RIT1: variants seen among roughly 807,000 people sequenced by gnomAD.
RIT1 encodes Ras like without CAAX 1.
RIT1 carries 6 observed loss-of-function variants against 25.6 expected under a neutral mutation model. The observed-to-expected ratio is 0.23, with a 90% CI of 0.13 to 0.46. The LOEUF is 0.46. Ranked by LOEUF, RIT1 falls within the 20% of genes least tolerant of loss-of-function variation. The pLI, the probability that RIT1 is intolerant of heterozygous loss-of-function variation, is 0.99. For synonymous variants in RIT1, 81 were observed against 94.1 expected, an observed-to-expected ratio of 0.86 and a Z score of 0.80; for missense variants, 219 against 284.4, an observed-to-expected ratio of 0.77 and a Z score of 1.65.
In RIT1 at chr1:155,900,287, T is replaced by C; in HGVS notation, c.*101A>G. On this transcript the variant is annotated 3_prime_UTR_variant, in exon 6 of 6. Transcript: ENST00000368323. ...ACTCCTAGTAGGCATGTCCCTCTTA[T>C]CAGTTAAGTGAAAGAGCAAGCACCA... 2.6e-6 allele frequency: 2 copies of C among 782,964 alleles called. No homozygotes were observed. Among genetic ancestry groups the C allele is most frequent in the South Asian group, 3.3e-5 (2 of 60,336 alleles). The allele number at this position is 782,964 out of a possible 1,614,324, so 48.5% of individuals were successfully genotyped here.
At position 155,910,776 on chromosome 1, in the gene RIT1, C is replaced by G. The variant is rs1439934026; in HGVS notation, c.-15G>C. ...CCAGAATCCATTGTCCTCTTGGGGC[C>G]TTCCTCGGTTGCCCCGAGGAAAAGC... On this transcript the variant is annotated 5_prime_UTR_variant, in exon 2 of 6. Coordinates refer to ENST00000368323, the MANE Select transcript of RIT1 (RefSeq NM_006912.6). The G allele has an allele frequency of 1.1e-5, 18 of 1,614,098 alleles. No homozygotes were observed. The highest frequency in any genetic ancestry group is 1.4e-5 in the Non-Finnish European group (16 of 1,180,044).
chr1:155,907,985 G>A (rs1396253827), intron 3 of RIT1, among the ~76,000 whole-genome samples: 1 of 151,790 alleles, frequency 6.6e-6, no homozygotes, highest in Non-Finnish European at 1.5e-5. Flanking sequence ...AGCTACGCTG[G>A]AGCCTGAGGC....
chr1:155,901,313 A>G (rs1027494804), intron 5 of RIT1, among the ~76,000 whole-genome samples: 1 of 152,012 alleles, frequency 6.6e-6, no homozygotes, highest in African/African-American at 2.4e-5. Flanking sequence ...CAAGCTGGGC[A>G]ATATGGTGAG....
In RIT1 at chr1:155,904,856, G is replaced by A. The variant is rs112823580; in HGVS notation, c.164-52C>T. On this transcript the variant is annotated intron_variant, in intron 3 of 5. Coordinates refer to ENST00000368323, the MANE Select transcript of RIT1 (RefSeq NM_006912.6). ...TAAAGTCATAAATGCCGGAAGAAAT[G>A]CCTATTTAAAACTCATCTTACAGAG... The A allele has an allele frequency of 7.8e-5, 97 of 1,241,336 alleles. No individual in the cohort carries two copies. In the African/African-American group the frequency reaches 9.6e-4, roughly 12 times the overall value. The allele number at this position is 1,241,336 out of a possible 1,614,324, so 76.9% of individuals were successfully genotyped here. A position where few individuals can be genotyped will look rare whatever the true frequency, so the allele number is the denominator to read the frequency against.
Position 155,906,599 on chromosome 1 carries a change from A to T in RIT1, c.164-1795T>A, listed in dbSNP as rs1673444080. 2.6e-5 allele frequency among the ~76,000 whole-genome samples: 4 copies of T among 151,882 alleles called. No individual in the cohort carries two copies. The South Asian group carries it at 8.3e-4, about 32-fold the overall frequency. ...AATGTGGTGAAACCCCATCTCTACT[A>T]AAAATACAAAAATTATCTGGATGTG... On this transcript the variant is annotated intron_variant, in intron 3 of 5. Transcript: ENST00000368323.
At position 155,909,114 on chromosome 1, in the gene RIT1, G is replaced by A. The variant is rs901547304; in HGVS notation, c.163+1336C>T. ...TAATAAGGCCCGGCGCAGTGGTCAC[G>A]CCTGTAATCCCAGCACTTTGGGAGT... On this transcript the variant is annotated intron_variant, in intron 3 of 5. Coordinates refer to ENST00000368323, the MANE Select transcript of RIT1 (RefSeq NM_006912.6). 4.6e-5 allele frequency among the ~76,000 whole-genome samples: 7 copies of A among 151,992 alleles called. 1 individual carries two copies. The highest frequency in any genetic ancestry group is 6.8e-3 in the Middle Eastern group (2 of 294).
chr1:155,903,157 A>G (rs1673348635), intron 5 of RIT1, among the ~76,000 whole-genome samples: 1 of 151,992 alleles, frequency 6.6e-6, no homozygotes, highest in African/African-American at 2.4e-5. Flanking sequence ...TTAGCCAGGC[A>G]TGGTGGCGGA....
At chr1:155,910,968 C>CA (rs1673585573) in intron 1 of RIT1, 164 bp from the exon 2 acceptor site, 2 of 1,389,258 alleles carry the variant, frequency 1.4e-6, no homozygotes, top group Admixed American at 2.6e-5. Context: ...AAGAAACCCC[C>CA]CCATCTTCAC....
At chr1:155,900,645 T>A in intron 5 of RIT1, 27 bp from the exon 6 acceptor site, 1 of 1,586,234 alleles carries the variant, frequency 6.3e-7, no homozygotes, top group Non-Finnish European at 8.6e-7. Flanking sequence ...TGAGAAAAGA[T>A]AACAGTGAAA....
intron 5 of RIT1, among the ~76,000 whole-genome samples, chr1:155,902,447 A>T (rs1038749678): frequency 1.3e-5 from 2 of 150,906 alleles, no homozygotes; most frequent in Non-Finnish European, 3.0e-5. Context: ...GAGGCAGGAG[A>T]ATTGCTTGAA....
intron 5 of RIT1, among the ~76,000 whole-genome samples, chr1:155,901,194 T>C (rs980772637): frequency 6.6e-6 from 1 of 152,232 alleles, no homozygotes; most frequent in African/African-American, 2.4e-5. Context: ...TTCCCCATAC[T>C]TTTTATTTTA....
chr1:155,906,303 C>T lies in RIT1; in HGVS notation c.164-1499G>A, dbSNP rs537060228. Among the ~76,000 whole-genome samples the T allele has an allele frequency of 4.6e-5, 7 of 152,222 alleles. No homozygotes were observed. The South Asian group carries it at 1.5e-3, about 32-fold the overall frequency. On this transcript the variant is annotated intron_variant, in intron 3 of 5. Coordinates refer to ENST00000368323, the MANE Select transcript of RIT1 (RefSeq NM_006912.6). ...TGCTGCTTACATCTCAATGTATTTC[C>T]TTTTAACATTTTTTCTTGAATTCCT...
At chr1:155,904,249 C>T in intron 5 of RIT1, 62 bp downstream of exon 5, 1 of 1,292,076 alleles carries the variant, frequency 7.7e-7, no homozygotes, top group South Asian at 1.4e-5. Flanking sequence ...AATCTGTAAG[C>T]CAAGAAACAA....
chr1:155,910,270 A>G, intron 3 of RIT1, 180 bp downstream of exon 3: 1 of 602,314 alleles, frequency 1.7e-6, no homozygotes, highest in East Asian at 2.8e-5. Context: ...GGCTTATGAC[A>G]TAAAGTCTGA....
chr1:155,904,667 G>T, intron 4 of RIT1, 64 bp downstream of exon 4: 1 of 1,302,766 alleles, frequency 7.7e-7, no homozygotes, highest in Non-Finnish European at 1.1e-6. Context: ...TCTCTGTGTA[G>T]GCCTTCCCCT....
In RIT1 at chr1:155,910,702, C is replaced by T; in HGVS notation, c.60G>A (p.Arg20=). ...CACCCAGCATCACTAGTTTGTACTC[C>T]CGTGAGAGCCCAGCGGGGCTGCTAC... The part of the protein sequence containing the change: ...SCCSSPAGLS[R]EYKLVMLGAG... The change falls in exon 2 of 6, where the codon CGG becomes CGA. Residue 20 remains arginine (R), a synonymous_variant. Transcript: ENST00000368323. The T allele has an allele frequency of 6.2e-7, 1 of 1,614,264 alleles. No homozygotes were observed. Among genetic ancestry groups the T allele is most frequent in the Non-Finnish European group, 8.5e-7 (1 of 1,180,046 alleles).
intron 3 of RIT1, among the ~76,000 whole-genome samples, chr1:155,908,049 G>A (rs1673488238): frequency 1.3e-5 from 2 of 150,524 alleles, no homozygotes. Context: ...CCGAGATCAT[G>A]CCACTGCACT....
chr1:155,904,263 T>A (rs1673383960), intron 5 of RIT1, 48 bp downstream of exon 5: 3 of 1,355,868 alleles, frequency 2.2e-6, no homozygotes, highest in Non-Finnish European at 3.1e-6. Flanking sequence ...GAAACAAAAA[T>A]GACTAATTGT....
At chr1:155,906,959 T>C (rs1294086596) in intron 3 of RIT1, among the ~76,000 whole-genome samples, 1 of 151,144 alleles carries the variant, frequency 6.6e-6, no homozygotes, top group African/African-American at 2.4e-5. Flanking sequence ...TCCAAAAATA[T>C]TAGCTGGGCT....
Sources: gnomAD v4.1 joint callset for allele counts (sites outside exome capture counted in the v4.1 genomes callset) on GRCh38, gnomAD v4.1.1 for gene constraint, MANE v1.5 for transcripts, NCBI Gene and HGNC (gene_info 2026-07-23, HGNC 2026-07-21) for gene names.